Variants in ABL1 observed in about 807,000 individuals in gnomAD.
The protein encoded by ABL1 is tyrosine-protein kinase ABL1.
In ABL1, 11 loss-of-function variants were observed where a neutral mutation model predicts 94.7. The ratio of observed to expected loss-of-function variants is 0.12; its 90% CI spans 0.07 to 0.19. ABL1 has a LOEUF of 0.19. ABL1 is among the 10% of genes least tolerant of loss of function. The pLI, the probability that ABL1 is intolerant of heterozygous loss-of-function variation, is 1.00. For missense variants in ABL1, 1,082 were observed against 1,489.4 expected, an observed-to-expected ratio of 0.73 and a Z score of 4.50; for synonymous variants, 656 against 622.4, an observed-to-expected ratio of 1.05 and a Z score of -0.80.
chr9:130,876,885 C>T lies in ABL1; in HGVS notation c.1271-1530C>T, dbSNP rs1302048942. ...CCGAGTAGCTGAGACTATAGGCGCC[C>T]GCCGCCACACTCGGCCAATTTTTTT... is the stretch of plus-strand genomic sequence containing the variant. On this transcript the variant is annotated intron_variant, in intron 7 of 10. Coordinates refer to ENST00000318560, the MANE Select transcript of ABL1 (RefSeq NM_005157.6). 2.7e-5 allele frequency among the ~76,000 whole-genome samples: 4 copies of T among 146,716 alleles called. 1 individual carries two copies. Among genetic ancestry groups the T allele is most frequent in the African/African-American group, 5.3e-5 (2 of 38,000 alleles).
intron 1 of ABL1, among the ~76,000 whole-genome samples, chr9:130,842,124 CAG>C (rs1416440132): frequency 1.3e-5 from 2 of 151,828 alleles, no homozygotes; most frequent in South Asian, 2.1e-4. Flanking sequence ...TGGGTGGGTA[CAG>C]AGAGAGAATG....
chr9:130,823,045 C>T (rs1830385209), intron 1 of ABL1, among the ~76,000 whole-genome samples: 1 of 152,180 alleles, frequency 6.6e-6, no homozygotes, highest in African/African-American at 2.4e-5. Context: ...ATCCTCCCAC[C>T]TCGGCCTCCC....
At chr9:130,800,421 T>C (rs764676483) in intron 1 of ABL1, among the ~76,000 whole-genome samples, 1 of 151,904 alleles carries the variant, frequency 6.6e-6, no homozygotes, top group Admixed American at 6.6e-5. Flanking sequence ...ACAGAACTTA[T>C]TCATGTAACC....
At chr9:130,858,093 T>C (rs996441948) in intron 3 of ABL1, among the ~76,000 whole-genome samples, 3 of 151,948 alleles carry the variant, frequency 2.0e-5, no homozygotes, top group African/African-American at 4.8e-5. Context: ...TGCACCGAGA[T>C]AGTCACTTGA....
chr9:130,821,353 T>G (rs1830360949), intron 1 of ABL1, among the ~76,000 whole-genome samples: 1 of 152,310 alleles, frequency 6.6e-6, no homozygotes, highest in South Asian at 2.1e-4. Flanking sequence ...AGATTTGTCT[T>G]TTCCGTACGT....
At chr9:130,816,367 T>G (rs1288507107) in intron 1 of ABL1, among the ~76,000 whole-genome samples, 1 of 152,088 alleles carries the variant, frequency 6.6e-6, no homozygotes, top group Non-Finnish European at 1.5e-5. Context: ...TGTGGAGATG[T>G]CTTGCTATGT....
At chr9:130,791,736 A>G (rs1807239269) in intron 1 of ABL1, among the ~76,000 whole-genome samples, 1 of 152,152 alleles carries the variant, frequency 6.6e-6, no homozygotes, top group Non-Finnish European at 1.5e-5. Flanking sequence ...TTTGCCACAG[A>G]CTAATGGCTG....
intron 1 of ABL1, among the ~76,000 whole-genome samples, chr9:130,799,209 G>T (rs1314757653): frequency 6.6e-6 from 1 of 152,150 alleles, no homozygotes; most frequent in African/African-American, 2.4e-5. Flanking sequence ...CCTCTTGGAG[G>T]TGTTTGCACC....
chr9:130,803,483 A>G (rs1271107800), intron 1 of ABL1, among the ~76,000 whole-genome samples: 2 of 152,260 alleles, frequency 1.3e-5, no homozygotes, highest in African/African-American at 2.4e-5. Context: ...GTTAAAGGCA[A>G]TAATTTGGAA....
chr9:130,853,285 C>G (rs1588268516), intron 1 of ABL1, among the ~76,000 whole-genome samples: 1 of 143,998 alleles, frequency 6.9e-6, no homozygotes, highest in Non-Finnish European at 1.5e-5. Context: ...AAGCAATTCT[C>G]CTGCCTCAGC....
intron 1 of ABL1, among the ~76,000 whole-genome samples, chr9:130,822,759 CTTA>C (rs1830378877): frequency 2.0e-5 from 3 of 151,470 alleles, no homozygotes; most frequent in African/African-American, 7.3e-5. Context: ...TGTGCACTGT[CTTA>C]TTATCGAGTG....
At chr9:130,727,986 A>G (rs891152677) in intron 1 of ABL1, among the ~76,000 whole-genome samples, 23 of 152,132 alleles carry the variant, frequency 1.5e-4, no homozygotes, top group African/African-American at 5.1e-4. Context: ...GAAGAAAAAG[A>G]AAAGGTAGAA....
rs35174185 is a variant in ABL1 at position 130,844,491 on chromosome 9, A to AT, written c.79+8978dup. Among the ~76,000 whole-genome samples, 1,067 of 149,540 alleles carry AT rather than the reference A, an allele frequency of 7.1e-3. 7 individuals carry two copies. Among genetic ancestry groups the AT allele is most frequent in the Middle Eastern group, 0.017 (5 of 290 alleles). ...CCGTAGATTCTTGGAAGGTGACACAATTTTTTTTTTTTCCTTTTTGGTTGA... is the reference window on the plus strand; with the variant it reads ...CCGTAGATTCTTGGAAGGTGACACAATTTTTTTTTTTTTCCTTTTTGGTTGA... On this transcript the variant is annotated intron_variant, in intron 1 of 10. Transcript: ENST00000318560.
chr9:130,768,686 A>G (rs1021263490), intron 1 of ABL1, among the ~76,000 whole-genome samples: 3 of 152,212 alleles, frequency 2.0e-5, no homozygotes, highest in Non-Finnish European at 2.9e-5. Flanking sequence ...GGAACGAATT[A>G]GTGCATCCTT....
At chr9:130,815,072 G>A (rs755081019) in intron 1 of ABL1, among the ~76,000 whole-genome samples, 11 of 152,138 alleles carry the variant, frequency 7.2e-5, no homozygotes, top group African/African-American at 9.7e-5. Flanking sequence ...GGTGGCTCAC[G>A]CCTGTAATCC....
chr9:130,821,844 T>TA lies in ABL1; in HGVS notation c.137-32220_137-32219insA, dbSNP rs1564300546. On this transcript the variant is annotated intron_variant, in intron 1 of 10. Coordinates refer to the ABL1 transcript ENST00000372348. Reference sequence around the variant, plus strand: ...CACCTGGCTATTATTATTATTATTTTTTTTTTTTTTTTTTGAGACAGAGTC... The same window carrying TA: ...CACCTGGCTATTATTATTATTATTTTATTTTTTTTTTTTTTGAGACAGAGTC... Among the ~76,000 whole-genome samples the TA allele has an allele frequency of 2.9e-3, 336 of 114,628 alleles. 1 individual carries two copies. The highest frequency in any genetic ancestry group is 6.5e-3 in the African/African-American group (194 of 29,918). The allele number at this position is 114,628 out of a possible 152,430, so 75.2% of individuals were successfully genotyped here. A position where few individuals can be genotyped will look rare whatever the true frequency, so the allele number is the denominator to read the frequency against.
At chr9:130,840,155 G>T (rs1474799336) in intron 1 of ABL1, among the ~76,000 whole-genome samples, 2 of 152,188 alleles carry the variant, frequency 1.3e-5, no homozygotes, top group African/African-American at 4.8e-5. Context: ...TTCTGTAATG[G>T]TTGAAGTGAT....
chr9:130,756,805 A>C (rs1296293538), intron 1 of ABL1, among the ~76,000 whole-genome samples: 1 of 152,168 alleles, frequency 6.6e-6, no homozygotes, highest in African/African-American at 2.4e-5. Context: ...TAACTTGGCT[A>C]TAAGAAGGTT....
At chr9:130,733,721 GGCGCCCGCCACC>G (rs764649379) in intron 1 of ABL1, among the ~76,000 whole-genome samples, 155 of 151,904 alleles carry the variant, frequency 1.0e-3, no homozygotes, top group African/African-American at 3.6e-3. Flanking sequence ...TGGGACTACA[GGCGCCCGCCACC>G]GCGCCTGCCA....
Sources: allele counts gnomAD v4.1 joint callset (sites outside exome capture counted in the v4.1 genomes callset), GRCh38; gene constraint gnomAD v4.1.1; transcripts MANE v1.5; gene names NCBI Gene and HGNC (gene_info 2026-07-23, HGNC 2026-07-21).